The following ABTB2 variants were observed in gnomAD, a reference collection of about 807,000 sequenced individuals.
ABTB2 encodes the protein ankyrin repeat and BTB domain containing 2, also known as ankyrin repeat and BTB/POZ domain-containing protein 2.
ABTB2 carries 56 observed loss-of-function variants against 104.1 expected under a neutral mutation model. The ratio of observed to expected loss-of-function variants is 0.54; its 90% CI spans 0.43 to 0.67. The LOEUF is 0.67. Ranked by LOEUF, ABTB2 falls within the 30% of genes least tolerant of loss-of-function variation. The pLI, the probability that ABTB2 is intolerant of heterozygous loss-of-function variation, is 0.00. For synonymous variants in ABTB2, 606 were observed against 608.2 expected (o/e 1.00, Z 0.05); for missense variants, 1,279 against 1,407.7 (o/e 0.91, Z 1.46).
intron 1 of ABTB2, among the ~76,000 whole-genome samples, chr11:34,344,797 C>T (rs899313042): frequency 6.6e-6 from 1 of 152,178 alleles, no homozygotes; most frequent in African/African-American, 2.4e-5. Context: ...TGTGCCCGGC[C>T]CAACCTATTT....
chr11:34,238,561 C>T (rs1463099111), intron 1 of ABTB2, among the ~76,000 whole-genome samples: 2 of 152,090 alleles, frequency 1.3e-5, no homozygotes, highest in Non-Finnish European at 2.9e-5. Flanking sequence ...TGAACAAATA[C>T]CAATCCGGTA....
intron 1 of ABTB2, among the ~76,000 whole-genome samples, chr11:34,298,665 T>C (rs560961976): frequency 2.0e-5 from 3 of 152,242 alleles, no homozygotes; most frequent in Middle Eastern, 3.4e-3. Context: ...TTTTGCCATG[T>C]TGGCCAGGCT....
intron 1 of ABTB2, among the ~76,000 whole-genome samples, chr11:34,332,671 C>T (rs965431592): frequency 3.9e-5 from 6 of 152,144 alleles, no homozygotes; most frequent in Non-Finnish European, 8.8e-5. Context: ...GGGAGTTGGT[C>T]CAGCCTAGCC....
chr11:34,257,955 C>A (rs1854143391), intron 1 of ABTB2, among the ~76,000 whole-genome samples: 1 of 152,080 alleles, frequency 6.6e-6, no homozygotes, highest in Admixed American at 6.5e-5. Context: ...CCACCTAATC[C>A]CTCCAAAGCA....
intron 1 of ABTB2, among the ~76,000 whole-genome samples, chr11:34,338,814 A>G (rs954863916): frequency 6.6e-6 from 1 of 152,192 alleles, no homozygotes; most frequent in Non-Finnish European, 1.5e-5. Context: ...ATTTATTACT[A>G]TTACTTTTAT....
At position 34,154,684 on chromosome 11, in the gene ABTB2, CCTCTCCCGAGT is replaced by C; in HGVS notation, c.2766+6_2766+16del. ...GGCACCCTAGCCCAGGCCCCCTCCC[CCTCTCCCGAGT>C]CTCACCTCCAGGATGTCAGTGGTGG... On this transcript the variant is annotated splice_donor_region_variant and intron_variant, in intron 15 of 16. Coordinates refer to ENST00000435224, the MANE Select transcript of ABTB2 (RefSeq NM_145804.3). This position sits in a 1 kb window ranked among gnomAD's most constrained non-coding sequence, Gnocchi z 4.9. The C allele has an allele frequency of 6.2e-7, 1 of 1,613,904 alleles. No individual in the cohort carries two copies. The highest frequency in any genetic ancestry group is 8.5e-7 in the Non-Finnish European group (1 of 1,179,818).
At chr11:34,290,694 GAAAA>G (rs959576732) in intron 1 of ABTB2, among the ~76,000 whole-genome samples, 4 of 151,864 alleles carry the variant, frequency 2.6e-5, no homozygotes, top group African/African-American at 9.7e-5. Context: ...AATGAAAAAA[GAAAA>G]ACAAAGAAAG....
At chr11:34,265,625 T>C (rs1177937749) in intron 1 of ABTB2, among the ~76,000 whole-genome samples, 182 of 114,324 alleles carry the variant, frequency 1.6e-3, no homozygotes, top group African/African-American at 6.1e-3. Flanking sequence ...GCCATTGCAC[T>C]CCAGCCTGGG....
At chr11:34,304,409 C>A (rs140096201) in intron 1 of ABTB2, among the ~76,000 whole-genome samples, 30 of 152,296 alleles carry the variant, frequency 2.0e-4, no homozygotes, top group African/African-American at 6.7e-4. Flanking sequence ...TTGCACCTGG[C>A]AGTTATTGTA....
rs565473444 is a variant in ABTB2, at chr11:34,315,603, T to A, written c.883+41098A>T. On this transcript the variant is annotated intron_variant, in intron 1 of 16. Transcript: ENST00000435224. Reference sequence around the variant, plus strand: ...TGGCATCCAGTGCCTGTCTCCTCCATCCCTCCTCCCCTGCCCCAATCATAG... The same window carrying A: ...TGGCATCCAGTGCCTGTCTCCTCCAACCCTCCTCCCCTGCCCCAATCATAG... Among the ~76,000 whole-genome samples, 121 of 152,202 alleles carry A rather than the reference T, an allele frequency of 7.9e-4. 1 individual carries two copies. The South Asian group carries it at 8.5e-3, about 11-fold the overall frequency.
At chr11:34,228,874 G>A (rs1436978995) in intron 1 of ABTB2, among the ~76,000 whole-genome samples, 1 of 152,040 alleles carries the variant, frequency 6.6e-6, no homozygotes, top group Non-Finnish European at 1.5e-5. Flanking sequence ...AATTCCAGGA[G>A]TTTGGGAGGC....
chr11:34,217,518 G>A (rs1466272053), intron 1 of ABTB2, among the ~76,000 whole-genome samples: 1 of 152,168 alleles, frequency 6.6e-6, no homozygotes, highest in Non-Finnish European at 1.5e-5. Context: ...CTGGAGTGCA[G>A]TGGTGTGATC....
At chr11:34,230,091 TG>T (rs1176862126) in intron 1 of ABTB2, among the ~76,000 whole-genome samples, 1 of 152,198 alleles carries the variant, frequency 6.6e-6, no homozygotes, top group African/African-American at 2.4e-5. Context: ...TTGAAGCTCC[TG>T]GGAAGCCTGT....
intron 1 of ABTB2, among the ~76,000 whole-genome samples, chr11:34,217,947 G>T (rs540649480): frequency 3.9e-5 from 6 of 152,300 alleles, no homozygotes; most frequent in African/African-American, 1.2e-4. Flanking sequence ...AGCATTTGGT[G>T]GTATCAGTGT....
At chr11:34,237,863 A>T (rs1051748564) in intron 1 of ABTB2, among the ~76,000 whole-genome samples, 6 of 152,108 alleles carry the variant, frequency 3.9e-5, no homozygotes, top group Non-Finnish European at 2.9e-5. Context: ...GCACCATTGC[A>T]CTCCAGCCTG....
chr11:34,342,326 G>A (rs139426804), intron 1 of ABTB2, among the ~76,000 whole-genome samples: 23 of 152,334 alleles, frequency 1.5e-4, no homozygotes, highest in African/African-American at 5.5e-4. Context: ...CAGGCCCCCA[G>A]TGGCTCAGTT....
chr11:34,307,672 A>C (rs1178302108), intron 1 of ABTB2, among the ~76,000 whole-genome samples: 9 of 149,654 alleles, frequency 6.0e-5, no homozygotes, highest in Admixed American at 1.3e-4. Context: ...TAATGGTTTG[A>C]GTCTGGCCTC....
At chr11:34,166,883 A>G (rs1199853299) in intron 7 of ABTB2, among the ~76,000 whole-genome samples, 5 of 152,220 alleles carry the variant, frequency 3.3e-5, no homozygotes, top group Non-Finnish European at 2.9e-5. Flanking sequence ...TTGGCCCTGT[A>G]GTAGAATTCA....
At chr11:34,190,239 A>C (rs2982604) in intron 3 of ABTB2, among the ~76,000 whole-genome samples, 1 of 145,574 alleles carries the variant, frequency 6.9e-6, no homozygotes, top group African/African-American at 2.6e-5. Flanking sequence ...GACTCCATCC[A>C]GCCCCTGCCC....
Sources: allele counts gnomAD v4.1 joint callset (sites outside exome capture counted in the v4.1 genomes callset), GRCh38; gene constraint gnomAD v4.1.1; non-coding constraint Gnocchi (gnomAD v3.1); transcripts MANE v1.5; gene names NCBI Gene and HGNC (gene_info 2026-07-23, HGNC 2026-07-21).